Variants in INPP4B observed in about 807,000 individuals in gnomAD.
The protein encoded by INPP4B is inositol polyphosphate 4-phosphatase type II.
A neutral mutation model predicts 122.5 loss-of-function variants in INPP4B; 55 were observed. The ratio of observed to expected loss-of-function variants is 0.45; its 90% CI spans 0.36 to 0.56. INPP4B has a LOEUF of 0.56. Among genes scored for constraint, INPP4B ranks in the 20% least tolerant of loss-of-function variants. INPP4B has a pLI of 0.00. For missense variants in INPP4B, 1,000 were observed against 1,097.7 expected (o/e 0.91, Z 1.26); for synonymous variants, 403 against 388.7 (o/e 1.04, Z -0.43).
At chr4:142,313,015 C>T (rs1194975298) in intron 8 of INPP4B, among the ~76,000 whole-genome samples, 1 of 152,170 alleles carries the variant, frequency 6.6e-6, no homozygotes, top group African/African-American at 2.4e-5. Flanking sequence ...GAAGAAAGGG[C>T]AGGACATGTG....
At chr4:142,313,696 T>C (rs1179443620) in intron 8 of INPP4B, among the ~76,000 whole-genome samples, 4 of 152,054 alleles carry the variant, frequency 2.6e-5, no homozygotes, top group African/African-American at 4.8e-5. Flanking sequence ...GCACAAGAGG[T>C]TGAAGGCAGA....
At chr4:142,250,274 T>C (rs1479472498) in intron 11 of INPP4B, among the ~76,000 whole-genome samples, 1 of 152,224 alleles carries the variant, frequency 6.6e-6, no homozygotes, top group Non-Finnish European at 1.5e-5. Flanking sequence ...CTTTTTCTTC[T>C]TAGTTTTACA....
intron 2 of INPP4B, among the ~76,000 whole-genome samples, chr4:142,586,100 A>C (rs1321418806): frequency 6.6e-6 from 1 of 152,056 alleles, no homozygotes; most frequent in Non-Finnish European, 1.5e-5. Flanking sequence ...GCTTGAACTC[A>C]GGTGTTGGAG....
At chr4:142,654,364 G>GCA (rs1753689232) in intron 2 of INPP4B, 1 of 30,696 alleles carries the variant, frequency 3.3e-5, no homozygotes, top group Non-Finnish European at 6.7e-5. Context: ...AGAACTTAAA[G>GCA]TATAAAAAAA....
chr4:142,302,537 C>T (rs1579664467), intron 9 of INPP4B, among the ~76,000 whole-genome samples: 1 of 152,116 alleles, frequency 6.6e-6, no homozygotes, highest in Non-Finnish European at 1.5e-5. Flanking sequence ...TTCTATACCT[C>T]AGTTTCTTGA....
chr4:142,617,025 C>T (rs1470363815), intron 2 of INPP4B, among the ~76,000 whole-genome samples: 2 of 151,948 alleles, frequency 1.3e-5, no homozygotes, highest in East Asian at 1.9e-4. Context: ...CACTAAAAGC[C>T]CGAACTTCAC....
intron 2 of INPP4B, among the ~76,000 whole-genome samples, chr4:142,466,092 G>C (rs1382582625): frequency 6.6e-6 from 1 of 152,190 alleles, no homozygotes; most frequent in Non-Finnish European, 1.5e-5. Flanking sequence ...TTACTATAGA[G>C]ATTCCAGAAA....
At chr4:142,029,828 G>A in intron 25 of INPP4B, 1 of 1,050,666 alleles carries the variant, frequency 9.5e-7, no homozygotes, top group Non-Finnish European at 1.2e-6. Context: ...ATGAGGACAG[G>A]AGGTTCAGAA....
intron 18 of INPP4B, among the ~76,000 whole-genome samples, chr4:142,128,142 ATGG>A (rs1369799544): frequency 2.0e-5 from 3 of 152,006 alleles, no homozygotes; most frequent in Non-Finnish European, 2.9e-5. Flanking sequence ...TACAGTTTAC[ATGG>A]TGTTTATTTG....
intron 2 of INPP4B, among the ~76,000 whole-genome samples, chr4:142,645,621 T>C (rs963255918): frequency 3.3e-5 from 5 of 152,188 alleles, no homozygotes; most frequent in Admixed American, 1.3e-4. Context: ...GAGATATTTT[T>C]AGCCCACGAG....
At chr4:142,534,585 T>C (rs1365134233) in intron 2 of INPP4B, among the ~76,000 whole-genome samples, 1 of 151,946 alleles carries the variant, frequency 6.6e-6, no homozygotes, top group Non-Finnish European at 1.5e-5. Flanking sequence ...GGTATTCTCT[T>C]ACAACAGCAT....
chr4:142,797,363 T>G (rs1051091086), intron 1 of INPP4B, among the ~76,000 whole-genome samples: 5 of 151,718 alleles, frequency 3.3e-5, no homozygotes, highest in Non-Finnish European at 7.4e-5. Flanking sequence ...ATAATAAGAT[T>G]GCAAAAAAAG....
chr4:142,443,380 A>T (rs1812239011), intron 3 of INPP4B, among the ~76,000 whole-genome samples: 1 of 152,144 alleles, frequency 6.6e-6, no homozygotes, highest in South Asian at 2.1e-4. Flanking sequence ...ACAAAGACCC[A>T]CTTGGATCCT....
At chr4:142,379,823 G>A (rs766122275) in intron 7 of INPP4B, among the ~76,000 whole-genome samples, 12 of 152,334 alleles carry the variant, frequency 7.9e-5, no homozygotes, top group Non-Finnish European at 1.6e-4. Context: ...GTCAGGCACT[G>A]TGTAAGGGAT....
At chr4:142,671,228 C>T (rs531061437) in intron 2 of INPP4B, among the ~76,000 whole-genome samples, 5 of 152,078 alleles carry the variant, frequency 3.3e-5, no homozygotes, top group Non-Finnish European at 7.4e-5. Flanking sequence ...ATACTAAGGC[C>T]TGGCGATCCA....
chr4:142,471,359 A>G (rs1818793499), intron 2 of INPP4B, among the ~76,000 whole-genome samples: 1 of 152,186 alleles, frequency 6.6e-6, no homozygotes, highest in Non-Finnish European at 1.5e-5. Context: ...AAATACGTCA[A>G]TGTGTTGGCA....
intron 22 of INPP4B, among the ~76,000 whole-genome samples, chr4:142,111,754 C>G (rs1289835803): frequency 6.6e-6 from 1 of 150,930 alleles, no homozygotes; most frequent in Admixed American, 6.6e-5. Flanking sequence ...TTTTTTATTT[C>G]TTTTTTTGAG....
intron 7 of INPP4B, among the ~76,000 whole-genome samples, chr4:142,360,876 A>G (rs1300932261): frequency 1.3e-5 from 2 of 151,988 alleles, no homozygotes; most frequent in East Asian, 3.9e-4. Flanking sequence ...AATCTGTATC[A>G]GTACTTTTGT....
chr4:142,307,282 G>A (rs922815289), intron 8 of INPP4B, among the ~76,000 whole-genome samples: 6 of 151,986 alleles, frequency 3.9e-5, no homozygotes, highest in African/African-American at 7.3e-5. Flanking sequence ...CTATACGAAA[G>A]CACACTCCCC....
Sources: allele counts gnomAD v4.1 joint callset (sites outside exome capture counted in the v4.1 genomes callset), GRCh38; gene constraint gnomAD v4.1.1; transcripts MANE v1.5; gene names NCBI Gene and HGNC (gene_info 2026-07-23, HGNC 2026-07-21).